ANKHD1: variants seen among roughly 807,000 people sequenced by gnomAD.
The protein encoded by ANKHD1 is ankyrin repeat and KH domain containing 1, also known as ankyrin repeat and KH domain-containing protein 1.
ANKHD1 carries 31 observed loss-of-function variants against 230.5 expected under a neutral mutation model. The ratio of observed to expected loss-of-function variants is 0.13; its 90% CI spans 0.10 to 0.18. The LOEUF is 0.18. Among genes scored for constraint, ANKHD1 ranks in the 10% least tolerant of loss-of-function variants. The pLI, the probability that ANKHD1 is intolerant of heterozygous loss-of-function variation, is 1.00. For missense variants in ANKHD1, 2,256 were observed against 3,071.3 expected (o/e 0.73, Z 6.27); for synonymous variants, 1,074 against 1,117.6 (o/e 0.96, Z 0.78).
In ANKHD1 at chr5:140,528,681, G is replaced by A. The variant is rs780160888; in HGVS notation, c.5735G>A (p.Arg1912His). 88 of 1,614,146 alleles carry A rather than the reference G, an allele frequency of 5.5e-5. 2 individuals carry two copies. Among genetic ancestry groups the A allele is most frequent in the South Asian group, 3.7e-4 (34 of 91,078 alleles). ...NSSPKHNNTSRLPNQNGTVLP... is the reference protein window; with the variant it reads ...NSSPKHNNTSHLPNQNGTVLP... ...TCTCCAAAGCATAATAACACAAGCC[G>A]TCTACCTAACCAGAACGGGACTGTT... Residue 1912 changes from arginine to histidine, a missense_variant, in exon 29 of 34, where the codon CGT (arginine) becomes CAT (histidine). Physicochemically the swap from Arg to His is conservative, Grantham distance 29 (BLOSUM62 0). Around this residue, in one of 13 missense-constraint regions of ANKHD1, gnomAD observed 778 missense variants for 966.5 expected, o/e 0.80. Transcript: ENST00000360839.
chr5:140,538,186 A>G lies in ANKHD1; in HGVS notation c.7329A>G (p.Arg2443=). ...STFSQHQPME[R]DDSGMVAPSN... is the part of the protein sequence containing the mutation. ...TCTCCCAACATCAGCCAATGGAGAG[A>G]GATGATTCTGGAATGGTAGCCCCCT... is the stretch of plus-strand genomic sequence containing the variant. The change falls in exon 32 of 34, where the codon AGA becomes AGG. Residue 2443 remains arginine (R), a synonymous_variant. Coordinates refer to ENST00000360839, the MANE Select transcript of ANKHD1 (RefSeq NM_017747.3). 6.2e-7 allele frequency: 1 copy of G among 1,614,172 alleles called. No individual in the cohort carries two copies. The highest frequency in any genetic ancestry group is 8.5e-7 in the Non-Finnish European group (1 of 1,180,024).
At chr5:140,403,571 C>T (rs138654542) in intron 1 of ANKHD1, among the ~76,000 whole-genome samples, 128 of 152,210 alleles carry the variant, frequency 8.4e-4, no homozygotes, top group African/African-American at 3.0e-3. Context: ...GCCACCACTC[C>T]CGGCTAATAT....
intron 14 of ANKHD1, among the ~76,000 whole-genome samples, chr5:140,489,010 C>T (rs1035436865): frequency 2.0e-5 from 3 of 151,882 alleles, no homozygotes; most frequent in Admixed American, 2.0e-4. Flanking sequence ...GGCAACATGG[C>T]GAAACCCTGT....
rs764910883 is a variant in ANKHD1 at position 140,525,969 on chromosome 5, G to T, written c.4493-27G>T. On this transcript the variant is annotated intron_variant, in intron 25 of 33. Coordinates refer to ENST00000360839, the MANE Select transcript of ANKHD1 (RefSeq NM_017747.3). Reference sequence around the variant, plus strand: ...TGTTTTGAGATCTGTGACTCAGTATGATTTTTATTCTTTTTAACAATTTCA... The same window carrying T: ...TGTTTTGAGATCTGTGACTCAGTATTATTTTTATTCTTTTTAACAATTTCA... The T allele has an allele frequency of 1.0e-5, 16 of 1,536,934 alleles. No homozygotes were observed. In the Middle Eastern group the frequency reaches 1.6e-3, roughly 152 times the overall value.
intron 14 of ANKHD1, among the ~76,000 whole-genome samples, chr5:140,494,812 A>G (rs988437637): frequency 3.3e-5 from 5 of 152,220 alleles, no homozygotes; most frequent in Admixed American, 6.5e-5. Context: ...CAAATTACCT[A>G]TGTTATTCAT....
In ANKHD1 at chr5:140,528,377, G is replaced by A. The variant is rs1753688908; in HGVS notation, c.5431G>A (p.Ala1811Thr). 3 of 1,614,078 alleles carry A rather than the reference G, an allele frequency of 1.9e-6. No homozygotes were observed. In the Middle Eastern group the frequency reaches 4.9e-4, roughly 266 times the overall value. Residue 1811 changes from alanine (A) to threonine (T), a missense_variant, in exon 29 of 34, where the codon GCT becomes ACT. Physicochemically the swap from Ala to Thr is moderately conservative, Grantham distance 58. Coordinates refer to ENST00000360839, the MANE Select transcript of ANKHD1 (RefSeq NM_017747.3). ...ASSKNAFPLG[A>T]PTLVTSQATT... Reference sequence around the variant, plus strand: ...CAGTAAAAATGCATTTCCTTTGGGTGCTCCAACTCTTGTAACTTCACAGGC... The same window carrying A: ...CAGTAAAAATGCATTTCCTTTGGGTACTCCAACTCTTGTAACTTCACAGGC...
chr5:140,473,507 C>T (rs974163048), intron 10 of ANKHD1, among the ~76,000 whole-genome samples: 24 of 151,768 alleles, frequency 1.6e-4, no homozygotes, highest in African/African-American at 5.8e-4. Flanking sequence ...GTGGTGTGCT[C>T]TTGGCTCACT....
intron 9 of ANKHD1, among the ~76,000 whole-genome samples, chr5:140,460,320 T>C (rs1296004524): frequency 1.3e-5 from 2 of 152,058 alleles, no homozygotes; most frequent in South Asian, 2.1e-4. Flanking sequence ...TTGAAAATAA[T>C]GTCAGATTTT....
intron 1 of ANKHD1, among the ~76,000 whole-genome samples, chr5:140,421,677 G>T (rs1418946492): frequency 6.6e-6 from 1 of 152,148 alleles, no homozygotes; most frequent in Non-Finnish European, 1.5e-5. Context: ...TGACTTCCAA[G>T]CCAGTATTGT....
intron 22 of ANKHD1, among the ~76,000 whole-genome samples, chr5:140,510,577 C>G (rs1317412670): frequency 1.3e-5 from 2 of 151,960 alleles, no homozygotes; most frequent in African/African-American, 4.8e-5. Context: ...TCCCAAAGTG[C>G]TAGGATTACA....
chr5:140,530,403 G>A (rs1201988158), intron 29 of ANKHD1, among the ~76,000 whole-genome samples: 1 of 152,032 alleles, frequency 6.6e-6, no homozygotes, highest in Non-Finnish European at 1.5e-5. Flanking sequence ...AGTAGAGACG[G>A]GGTTTTGCCG....
At chr5:140,415,519 AC>A (rs1159243668) in intron 1 of ANKHD1, among the ~76,000 whole-genome samples, 3 of 144,968 alleles carry the variant, frequency 2.1e-5, no homozygotes, top group African/African-American at 7.7e-5. Context: ...GCTCACTGTA[AC>A]CTCCACCTTC....
chr5:140,491,619 C>T (rs1438720625), intron 14 of ANKHD1, among the ~76,000 whole-genome samples: 1 of 152,118 alleles, frequency 6.6e-6, no homozygotes, highest in Non-Finnish European at 1.5e-5. Flanking sequence ...TGTATATCCT[C>T]CATGTTTTAC....
rs924471825 is a variant in ANKHD1, at chr5:140,404,623, C to T, written c.306+2350C>T. Among the ~76,000 whole-genome samples, 10 of 151,654 alleles carry T rather than the reference C, an allele frequency of 6.6e-5. No individual in the cohort carries two copies. The East Asian group carries it at 7.8e-4, about 12-fold the overall frequency. On this transcript the variant is annotated intron_variant, in intron 1 of 33. Transcript: ENST00000360839. ...AATTTTTTTGTATTTTTAGTAGAGA[C>T]GAGGTTTTACCATGTTGGCCAGGTG...
intron 5 of ANKHD1, among the ~76,000 whole-genome samples, chr5:140,444,090 C>T (rs199806030): frequency 0.021 from 1,308 of 62,504 alleles, 19 homozygotes; most frequent in Middle Eastern, 0.066. Flanking sequence ...CCCCCCCCCC[C>T]TTTTTTTTTT....
At chr5:140,449,440 G>A (rs974629724) in intron 7 of ANKHD1, 135 bp downstream of exon 7, 184 of 949,940 alleles carry the variant, frequency 1.9e-4, no homozygotes, top group South Asian at 1.5e-3. Context: ...CAAGTCGGGC[G>A]GATCACATGG....
intron 8 of ANKHD1, 122 bp downstream of exon 8, chr5:140,458,984 A>ATATATATG (rs1775474624): frequency 5.0e-5 from 1 of 20,008 alleles, no homozygotes; most frequent in African/African-American, 2.5e-4. Context: ...ATATATGCAT[A>ATATATATG]TATATATATA....
rs193237080 is a variant in ANKHD1 at position 140,509,646 on chromosome 5, A to T, written c.3775A>T (p.Thr1259Ser). Residue 1259 changes from threonine (T) to serine (S), a missense_variant, in exon 21 of 34, where the codon ACC becomes TCC. Around this residue, in one of 13 missense-constraint regions of ANKHD1, gnomAD observed 195 missense variants for 340.3 expected, o/e 0.57. Coordinates refer to ENST00000360839, the MANE Select transcript of ANKHD1 (RefSeq NM_017747.3). ...NVEHRAKTGL[T>S]PLMEAASGGY... ...TTATTGGTTTAAACAGACGGGTCTT[A>T]CCCCCTTGATGGAAGCAGCTTCTGG... The T allele has an allele frequency of 1.3e-6, 2 of 1,575,906 alleles. No individual in the cohort carries two copies. Among genetic ancestry groups the T allele is most frequent in the Admixed American group, 2.0e-5 (1 of 50,428 alleles).
chr5:140,496,575 A>G lies in ANKHD1; in HGVS notation c.2301A>G (p.Pro767=). The change falls in exon 15 of 34, where the codon CCA becomes CCG. Residue 767 remains proline, a synonymous_variant. Transcript: ENST00000360839. ...SLQVADQDLL[P]SFHPYQPLEC... is the part of the protein sequence containing the mutation. ...AGGTAGCAGATCAGGACCTACTGCC[A>G]TCTTTTCACCCATACCAGCCTTTGG... 1 of 1,608,218 alleles carries G rather than the reference A, an allele frequency of 6.2e-7. No individual in the cohort carries two copies. The highest frequency in any genetic ancestry group is 8.5e-7 in the Non-Finnish European group (1 of 1,179,414).
Sources: allele counts gnomAD v4.1 joint callset (sites outside exome capture counted in the v4.1 genomes callset), GRCh38; gene constraint gnomAD v4.1.1; regional missense constraint gnomAD v4.1.1; transcripts MANE v1.5; gene names NCBI Gene and HGNC (gene_info 2026-07-23, HGNC 2026-07-21).